BRCA1: variants seen among roughly 807,000 people sequenced by gnomAD.
The protein encoded by BRCA1 is breast cancer type 1 susceptibility protein.
Under a neutral mutation model 173.7 loss-of-function variants are expected in BRCA1, and 140 were observed. That is an observed-to-expected ratio of 0.81 (90% CI 0.70 to 0.93). The LOEUF (loss-of-function observed/expected upper bound fraction) is 0.93. Among genes scored for constraint, BRCA1 ranks in the 40% least tolerant of loss-of-function variants. BRCA1 has a pLI of 0.00. For missense variants in BRCA1, 1,983 were observed against 2,172.5 expected (o/e 0.91, Z 1.73); for synonymous variants, 662 against 756.0 (o/e 0.88, Z 2.04).
At chr17:43,046,545 G>A (rs1163702000) in intron 22 of BRCA1, among the ~76,000 whole-genome samples, 1 of 151,742 alleles carries the variant, frequency 6.6e-6, no homozygotes, top group Non-Finnish European at 1.5e-5. Context: ...CTACAAGTGC[G>A]TGCCACCATG....
At chr17:43,054,593 C>T (rs1023730253) in intron 19 of BRCA1, among the ~76,000 whole-genome samples, 6 of 152,034 alleles carry the variant, frequency 3.9e-5, no homozygotes, top group African/African-American at 9.7e-5. Flanking sequence ...GAGTGTGCTA[C>T]GACACCCAAT....
upstream of BRCA1, among the ~76,000 whole-genome samples, chr17:43,128,987 C>A (rs1484002866): frequency 2.0e-5 from 3 of 151,984 alleles, no homozygotes; most frequent in Admixed American, 2.0e-4. Context: ...TTGTACAGGC[C>A]TCTGGTGGAG....
intron 1 of BRCA1, among the ~76,000 whole-genome samples, chr17:43,144,533 G>C (rs1204061207): frequency 6.6e-6 from 1 of 152,180 alleles, no homozygotes; most frequent in East Asian, 1.9e-4. Context: ...ATTAGACTGG[G>C]AAACAAGGCA....
intron 1 of BRCA1, 96 bp from the exon 2 acceptor site, chr17:43,124,211 AT>A: frequency 1.3e-6 from 1 of 795,770 alleles, no homozygotes; most frequent in Non-Finnish European, 2.0e-6. Flanking sequence ...TAAATTTAAG[AT>A]TTGGAAGGTT....
At chr17:43,123,775 T>TG (rs1255164703) in intron 2 of BRCA1, among the ~76,000 whole-genome samples, 1 of 152,230 alleles carries the variant, frequency 6.6e-6, no homozygotes, top group African/African-American at 2.4e-5. Context: ...ACAGAGTCCC[T>TG]GTCTTTCCCG....
At chr17:43,100,002 G>T in intron 6 of BRCA1, 122 bp from the exon 7 acceptor site, 1 of 813,676 alleles carries the variant, frequency 1.2e-6, no homozygotes, top group Non-Finnish European at 2.1e-6. Flanking sequence ...TAACATGTAT[G>T]ATGCCTGGAA....
chr17:43,051,052 C>G lies in BRCA1; in HGVS notation c.5332+11G>C, dbSNP rs1258744250. 6.2e-7 allele frequency: 1 copy of G among 1,613,402 alleles called. No homozygotes were observed. Among genetic ancestry groups the G allele is most frequent in the Non-Finnish European group, 8.5e-7 (1 of 1,179,370 alleles). ...TGGTGCTGGAACTCTGGGGTTCTCC[C>G]AGGCTCTTACCTGTGGGCATGTTGG... On this transcript the variant is annotated intron_variant, in intron 20 of 22. Coordinates refer to ENST00000357654, the MANE Select transcript of BRCA1 (RefSeq NM_007294.4).
rs2154330690 is a variant in BRCA1 at position 43,092,232 on chromosome 17, C to A, written c.3299G>T (p.Gly1100Val). Residue 1100 changes from glycine (G) to valine (V), a missense_variant, in exon 10 of 23, where the codon GGA becomes GTA. Coordinates refer to ENST00000357654, the MANE Select transcript of BRCA1 (RefSeq NM_007294.4). ...QPEVYKQSLP[G>V]SNCKHPEIKK... ...TATTTCAGGATGCTTACAATTACTT[C>A]CAGGAAGACTTTGTTTATAGACCTC... The A allele has an allele frequency of 6.2e-7, 1 of 1,613,454 alleles. No individual in the cohort carries two copies. Among genetic ancestry groups the A allele is most frequent in the East Asian group, 2.2e-5 (1 of 44,870 alleles).
Position 43,090,985 on chromosome 17 carries a change from A to T in BRCA1, c.4144T>A (p.Cys1382Ser), listed in dbSNP as rs786202106. 3 of 1,612,820 alleles carry T rather than the reference A, an allele frequency of 1.9e-6. No homozygotes were observed. Among genetic ancestry groups the T allele is most frequent in the Non-Finnish European group, 2.5e-6 (3 of 1,179,586 alleles). Residue 1382 changes from cysteine (C) to serine (S), a missense_variant, in exon 11 of 23, where the codon TGC (cysteine) becomes AGC (serine). Transcript: ENST00000357654. Reference protein sequence around the residue: ...CESETSVSEDCSGLSSQSDIL... With the variant: ...CESETSVSEDSSGLSSQSDIL... ...TCACTCTGAGAGGATAGCCCTGAGC[A>T]GTCTTCAGAGACGCTTGTTTCACTC... is the stretch of plus-strand genomic sequence containing the variant.
In BRCA1 at chr17:43,092,994, T is replaced by C; in HGVS notation, c.2537A>G (p.Glu846Gly). The change falls in exon 10 of 23, where the codon GAA (glutamate) becomes GGA (glycine). Residue 846 changes from glutamate to glycine, a missense_variant. Physicochemically the swap from Glu to Gly is moderately conservative, Grantham distance 98. Transcript: ENST00000357654. The part of the protein sequence containing the change: ...EVNHSRETSI[E>G]MEESELDAQY... Reference sequence around the variant, plus strand: ...AGCATCAAGTTCACTTTCTTCCATTTCTATGCTTGTTTCCCGACTGTGGTT... The same window carrying C: ...AGCATCAAGTTCACTTTCTTCCATTCCTATGCTTGTTTCCCGACTGTGGTT... 3 of 1,613,726 alleles carry C rather than the reference T, an allele frequency of 1.9e-6. No homozygotes were observed. The highest frequency in any genetic ancestry group is 2.5e-6 in the Non-Finnish European group (3 of 1,179,736).
Position 43,094,660 on chromosome 17 carries a change from A to C in BRCA1, c.871T>G (p.Leu291Val), listed in dbSNP as rs1209004897. The C allele has an allele frequency of 6.2e-7, 1 of 1,614,022 alleles. No homozygotes were observed. The highest frequency in any genetic ancestry group is 8.5e-7 in the Non-Finnish European group (1 of 1,180,044). ...SSLQHENSSL[L>V]LTKDRMNVEK... ...ACATTCATTCTGTCTTTAGTGAGTAATAAACTGCTGTTCTCATGCTGTAAT... is the reference window on the plus strand; with the variant it reads ...ACATTCATTCTGTCTTTAGTGAGTACTAAACTGCTGTTCTCATGCTGTAAT... Residue 291 changes from leucine (L) to valine (V), a missense_variant, in exon 10 of 23, where the codon TTA becomes GTA. Physicochemically the swap from Leu to Val is conservative, Grantham distance 32. Coordinates refer to ENST00000357654, the MANE Select transcript of BRCA1 (RefSeq NM_007294.4).
intron 1 of BRCA1, among the ~76,000 whole-genome samples, chr17:43,169,112 C>G (rs2056293794): frequency 6.6e-6 from 1 of 152,186 alleles, no homozygotes; most frequent in African/African-American, 2.4e-5. Context: ...CCTCCCCTTC[C>G]CAGACATATT....
At chr17:43,135,556 T>C (rs1597932723) in intron 1 of BRCA1, among the ~76,000 whole-genome samples, 1 of 152,198 alleles carries the variant, frequency 6.6e-6, no homozygotes, top group African/African-American at 2.4e-5. Context: ...TGGCCGGGGC[T>C]GTAGCCTTCA....
At chr17:43,126,702 T>C (rs2055886043), upstream of BRCA1, among the ~76,000 whole-genome samples, 1 of 152,234 alleles carries the variant, frequency 6.6e-6, no homozygotes, top group Non-Finnish European at 1.5e-5. Context: ...CCTCGCTCGC[T>C]CTCGGCGCCT....
At chr17:43,162,017 C>CG (rs1175224028) in intron 1 of BRCA1, 1 of 152,158 alleles carries the variant, frequency 6.6e-6, no homozygotes, top group Non-Finnish European at 1.5e-5. Flanking sequence ...GATATTTACT[C>CG]GGGGATTCAG....
Position 43,115,791 on chromosome 17 carries a change from G to C in BRCA1, c.81-12C>G, listed in dbSNP as rs80358055. On this transcript the variant is annotated splice_polypyrimidine_tract_variant and intron_variant, in intron 2 of 22. Coordinates refer to ENST00000357654, the MANE Select transcript of BRCA1 (RefSeq NM_007294.4). ...TGATCAACTCCAGACTAGCAGGGTA[G>C]GGGGGGAGAAAAAGAAAATAAATGA... 1.2e-4 allele frequency: 191 copies of C among 1,607,290 alleles called. No homozygotes were observed. The African/African-American group carries it at 2.2e-3, about 19-fold the overall frequency.
At chr17:43,073,969 C>T (rs1199167261) in intron 14 of BRCA1, among the ~76,000 whole-genome samples, 1 of 152,034 alleles carries the variant, frequency 6.6e-6, no homozygotes, top group Non-Finnish European at 1.5e-5. Context: ...GTTGGCCAGA[C>T]AGGTCTTGAA....
intron 8 of BRCA1, 136 bp from the exon 9 acceptor site, chr17:43,096,058 T>C (rs1317090578): frequency 1.3e-6 from 1 of 756,140 alleles, no homozygotes; most frequent in Non-Finnish European, 2.3e-6. Flanking sequence ...TGAAAGCTGC[T>C]CTCTCCTTTA....
In BRCA1 at chr17:43,047,896, T is replaced by C. The variant is rs8176310; in HGVS notation, c.5407-193A>G. 0.48 allele frequency among the ~76,000 whole-genome samples: 73,173 copies of C among 151,786 alleles called. 20,953 individuals carry two copies. Among genetic ancestry groups the C allele is most frequent in the African/African-American group, 0.81 (33,522 of 41,388 alleles). On this transcript the variant is annotated intron_variant, in intron 21 of 22. Coordinates refer to ENST00000357654, the MANE Select transcript of BRCA1 (RefSeq NM_007294.4). ...AAGCAATCCTTCCATCTCAGCCTCC[T>C]AAGTAGCTGGAACTACAGACACGTA...
Sources: allele counts gnomAD v4.1 joint callset (sites outside exome capture counted in the v4.1 genomes callset), GRCh38; gene constraint gnomAD v4.1.1; transcripts MANE v1.5; gene names NCBI Gene and HGNC (gene_info 2026-07-23, HGNC 2026-07-21).